KIF26B: variants seen among roughly 807,000 people sequenced by gnomAD.
The protein encoded by KIF26B is kinesin-like protein KIF26B.
In KIF26B, 63 loss-of-function variants were observed where a neutral mutation model predicts 151.2. The observed-to-expected ratio is 0.42, with a 90% CI of 0.34 to 0.51. The LOEUF (loss-of-function observed/expected upper bound fraction) is 0.51, where lower values mean the gene tolerates loss of function less well. Ranked by LOEUF, KIF26B falls within the 20% of genes least tolerant of loss-of-function variation. The pLI is 0.07. For missense variants in KIF26B, 2,813 were observed against 2,913.6 expected (o/e 0.97, Z 0.79); for synonymous variants, 1,357 against 1,262.1 (o/e 1.08, Z -1.59).
At chr1:245,525,611 ATGAT>A (rs1157552714) in intron 4 of KIF26B, among the ~76,000 whole-genome samples, 3 of 152,230 alleles carry the variant, frequency 2.0e-5, no homozygotes, top group Admixed American at 2.0e-4. Flanking sequence ...CAAGGAAAAG[ATGAT>A]TGATTGGTTG....
chr1:245,461,639 C>T (rs1284437382), intron 4 of KIF26B, among the ~76,000 whole-genome samples: 1 of 152,120 alleles, frequency 6.6e-6, no homozygotes, highest in Non-Finnish European at 1.5e-5. Context: ...ATCAGAGCTT[C>T]CCCGGGGATG....
At chr1:245,293,972 C>T (rs1018290822) in intron 2 of KIF26B, among the ~76,000 whole-genome samples, 12 of 152,222 alleles carry the variant, frequency 7.9e-5, no homozygotes, top group Admixed American at 2.0e-4. Flanking sequence ...ATGAATAAGT[C>T]TTTGAATTTG....
chr1:245,501,085 T>C (rs1660610148), intron 4 of KIF26B, among the ~76,000 whole-genome samples: 1 of 152,158 alleles, frequency 6.6e-6, no homozygotes, highest in East Asian at 1.9e-4. Flanking sequence ...TCCTGTGAGG[T>C]CAGTACCATA....
chr1:245,693,050 A>G (rs1310488586), intron 12 of KIF26B, among the ~76,000 whole-genome samples: 1 of 151,986 alleles, frequency 6.6e-6, no homozygotes, highest in Non-Finnish European at 1.5e-5. Context: ...CCTATCATCC[A>G]TTATATGTTA....
intron 12 of KIF26B, among the ~76,000 whole-genome samples, chr1:245,696,199 A>C (rs1340130005): frequency 1.3e-5 from 2 of 152,256 alleles, no homozygotes. Context: ...AAAGTAGGTT[A>C]TAAAAGACAC....
chr1:245,624,981 A>G (rs2043708045), intron 9 of KIF26B, among the ~76,000 whole-genome samples: 2 of 152,212 alleles, frequency 1.3e-5, no homozygotes, highest in Non-Finnish European at 1.5e-5. Context: ...GTGTGTGTGT[A>G]TGAATATAGT....
chr1:245,247,818 G>T lies in KIF26B; in HGVS notation c.465+91135G>T, dbSNP rs12045578. On this transcript the variant is annotated intron_variant, in intron 2 of 14. Coordinates refer to ENST00000407071, the MANE Select transcript of KIF26B (RefSeq NM_018012.4). ...AGAAGAGGGAACAGAGAGGAGCCTC[G>T]TGGCCTCAACCACTATTTTATCGTG... 3.8e-3 allele frequency among the ~76,000 whole-genome samples: 578 copies of T among 152,326 alleles called. 13 individuals are homozygous for T. The East Asian group carries it at 0.075, about 20-fold the overall frequency.
chr1:245,382,653 C>T (rs1434462636), intron 3 of KIF26B, among the ~76,000 whole-genome samples: 1 of 152,020 alleles, frequency 6.6e-6, no homozygotes, highest in East Asian at 1.9e-4. Context: ...ATCACAATCT[C>T]CGCCTCCTGG....
intron 4 of KIF26B, among the ~76,000 whole-genome samples, chr1:245,444,284 AGCG>A (rs1239740080): frequency 2.0e-5 from 3 of 152,222 alleles, no homozygotes; most frequent in Non-Finnish European, 2.9e-5. Context: ...AGGCCTTTTC[AGCG>A]GCCCTCCAGG....
rs574112399 is a variant in KIF26B, at chr1:245,314,291, T to C, written c.466-52543T>C. Among the ~76,000 whole-genome samples the C allele has an allele frequency of 1.7e-4, 25 of 151,410 alleles. No homozygotes were observed. The South Asian group carries it at 5.2e-3, about 32-fold the overall frequency. ...GGTGAAACCCCATCTCTACTAAAAA[T>C]ACAAAAAAAAATTAGCCAGGCGTGG... On this transcript the variant is annotated intron_variant, in intron 2 of 14. Transcript: ENST00000407071.
At chr1:245,551,361 A>G (rs1293432100) in intron 5 of KIF26B, among the ~76,000 whole-genome samples, 1 of 152,222 alleles carries the variant, frequency 6.6e-6, no homozygotes, top group Non-Finnish European at 1.5e-5. Flanking sequence ...ACATTTTAAG[A>G]AAATATTTTA....
At chr1:245,532,131 A>T (rs1469883217) in intron 4 of KIF26B, among the ~76,000 whole-genome samples, 1 of 152,060 alleles carries the variant, frequency 6.6e-6, no homozygotes, top group Non-Finnish European at 1.5e-5. Context: ...CTGCTATAAG[A>T]CTTCAAGGGG....
At chr1:245,662,435 G>GATATAT (rs61475459) in intron 10 of KIF26B, among the ~76,000 whole-genome samples, 73 of 140,130 alleles carry the variant, frequency 5.2e-4, no homozygotes, top group African/African-American at 1.8e-3. Flanking sequence ...ACACATACCC[G>GATATAT]ATATATATAT....
At chr1:245,267,384 G>T (rs1015780785) in intron 2 of KIF26B, among the ~76,000 whole-genome samples, 5 of 152,168 alleles carry the variant, frequency 3.3e-5, no homozygotes, top group Admixed American at 2.6e-4. Context: ...CCAGCATTGC[G>T]AAGTACACCG....
At position 245,672,537 on chromosome 1, in the gene KIF26B, C is replaced by T. The variant is rs192862131; in HGVS notation, c.2259-11696C>T. On this transcript the variant is annotated intron_variant, in intron 10 of 14. Coordinates refer to ENST00000407071, the MANE Select transcript of KIF26B (RefSeq NM_018012.4). ...TGGAAGGTTACCCTGTAACACAAGG[C>T]GTGCCCACTGACATGCAGCCTGATG... Among the ~76,000 whole-genome samples, 7 of 152,326 alleles carry T rather than the reference C, an allele frequency of 4.6e-5. No individual in the cohort carries two copies. The East Asian group carries it at 1.2e-3, about 25-fold the overall frequency.
At chr1:245,292,908 A>G (rs1026737922) in intron 2 of KIF26B, among the ~76,000 whole-genome samples, 1 of 152,208 alleles carries the variant, frequency 6.6e-6, no homozygotes, top group Non-Finnish European at 1.5e-5. Flanking sequence ...TTGTGGCCCA[A>G]ACTGCTTCGG....
intron 2 of KIF26B, among the ~76,000 whole-genome samples, chr1:245,313,796 C>T (rs1479014720): frequency 6.6e-6 from 1 of 152,202 alleles, no homozygotes; most frequent in Non-Finnish European, 1.5e-5. Context: ...GGTGCACATA[C>T]CATTTTCGTC....
chr1:245,361,993 G>A (rs115049378), intron 2 of KIF26B, among the ~76,000 whole-genome samples: 1,907 of 151,808 alleles, frequency 0.013, 18 homozygotes, highest in Non-Finnish European at 0.02. Context: ...TTCCCTCTGC[G>A]GTGGTCGTAT....
intron 4 of KIF26B, among the ~76,000 whole-genome samples, chr1:245,434,220 T>C (rs1022965787): frequency 1.3e-5 from 2 of 152,214 alleles, no homozygotes; most frequent in African/African-American, 4.8e-5. Context: ...ATGGAAAAAC[T>C]GGTCTGAAGT....
Sources: gnomAD v4.1 joint callset for allele counts (sites outside exome capture counted in the v4.1 genomes callset) on GRCh38, gnomAD v4.1.1 for gene constraint, MANE v1.5 for transcripts, NCBI Gene and HGNC (gene_info 2026-07-23, HGNC 2026-07-21) for gene names.